The following TNFSF4 variants were observed in gnomAD, a reference collection of about 807,000 sequenced individuals.
The protein encoded by TNFSF4 is tumor necrosis factor ligand superfamily member 4.
TNFSF4 carries 4 observed loss-of-function variants against 7.3 expected under a neutral mutation model. The observed-to-expected ratio is 0.55, with a 90% CI of 0.27 to 1.25. TNFSF4 has a LOEUF of 1.25. Among genes scored for constraint, TNFSF4 ranks in the 50% most tolerant of loss-of-function variants. TNFSF4 has a pLI of 0.12. For missense variants in TNFSF4, 181 were observed against 208.8 expected, an observed-to-expected ratio of 0.87 and a Z score of 0.82; for synonymous variants, 76 against 83.7, an observed-to-expected ratio of 0.91 and a Z score of 0.50.
chr1:173,370,247 G>T, the TNFSF4 span, among the ~76,000 whole-genome samples: 1 of 152,162 alleles, frequency 6.6e-6, no homozygotes, highest in Non-Finnish European at 1.5e-5. Flanking sequence ...TCAAACCCTG[G>T]CCTTTAATGA....
the TNFSF4 span, among the ~76,000 whole-genome samples, chr1:173,440,205 T>C: frequency 8.4e-4 from 128 of 152,318 alleles, 2 homozygotes; most frequent in Non-Finnish European, 2.1e-4. Flanking sequence ...ACATCGACCT[T>C]TACACTGTCT....
At chr1:173,426,928 CAGAG>C in the TNFSF4 span, among the ~76,000 whole-genome samples, 2 of 150,734 alleles carry the variant, frequency 1.3e-5, no homozygotes, top group Non-Finnish European at 3.0e-5. Context: ...GCAAGACAGT[CAGAG>C]AGAGAGAGAG....
the TNFSF4 span, among the ~76,000 whole-genome samples, chr1:173,368,267 C>A: frequency 6.6e-6 from 1 of 152,106 alleles, no homozygotes; most frequent in Non-Finnish European, 1.5e-5. Context: ...ATAAACTTTG[C>A]TACCACTCAC....
At chr1:173,328,905 C>T in the TNFSF4 span, among the ~76,000 whole-genome samples, 1 of 151,988 alleles carries the variant, frequency 6.6e-6, no homozygotes, top group South Asian at 2.1e-4. Context: ...GCCCTTTGGC[C>T]CAGTAATTCC....
chr1:173,207,161 G>A lies in TNFSF4; in HGVS notation c.16C>T (p.Pro6Ser). Residue 6 changes from proline to serine, a missense_variant, in exon 1 of 3, where the codon CCC becomes TCC. Pro to Ser is a moderately conservative substitution (Grantham distance 74). Transcript: ENST00000281834. The part of the protein sequence containing the change: MERVQ[P>S]LEENVGNAAR... ...GCATTTCCCACATTCTCTTCCAGGG[G>A]TTGGACCCTTTCCATCTTCACAATC... The A allele has an allele frequency of 6.2e-7, 1 of 1,612,764 alleles. No individual in the cohort carries two copies. The highest frequency in any genetic ancestry group is 1.1e-5 in the South Asian group (1 of 90,990).
the TNFSF4 span, chr1:173,175,633 A>T: frequency 1.3e-5 from 2 of 152,302 alleles, no homozygotes; most frequent in East Asian, 3.8e-4. Flanking sequence ...CCACTTAGCC[A>T]CTTGAGAATT....
intron 1 of TNFSF4, among the ~76,000 whole-genome samples, chr1:173,192,038 G>A (rs190297358): frequency 5.9e-5 from 9 of 152,296 alleles, no homozygotes; most frequent in East Asian, 1.9e-4. Context: ...TTAGCAAGGC[G>A]TGGTGGTATG....
At chr1:173,274,358 G>T in the TNFSF4 span, among the ~76,000 whole-genome samples, 1 of 152,006 alleles carries the variant, frequency 6.6e-6, no homozygotes, top group Non-Finnish European at 1.5e-5. Flanking sequence ...CAACATTTTT[G>T]AACTTTTATT....
the TNFSF4 span, among the ~76,000 whole-genome samples, chr1:173,312,657 C>A: frequency 2.6e-5 from 4 of 152,104 alleles, no homozygotes. Flanking sequence ...CCCTCTCCCC[C>A]AGGCTCAGGC....
the TNFSF4 span, among the ~76,000 whole-genome samples, chr1:173,255,549 CTT>C: frequency 6.6e-6 from 1 of 152,182 alleles, no homozygotes; most frequent in Non-Finnish European, 1.5e-5. Flanking sequence ...GGTGTGGCCT[CTT>C]TTGGGTTCCC....
downstream of TNFSF4, among the ~76,000 whole-genome samples, chr1:173,182,890 A>G (rs1649080358): frequency 6.6e-6 from 1 of 152,178 alleles, no homozygotes; most frequent in Non-Finnish European, 1.5e-5. Context: ...CTCTTGGGAA[A>G]TGGAGTTCAT....
the TNFSF4 span, among the ~76,000 whole-genome samples, chr1:173,262,025 C>CA: frequency 6.6e-6 from 1 of 152,166 alleles, no homozygotes; most frequent in South Asian, 2.1e-4. Context: ...AAAGATACAA[C>CA]AAAAAAGGAA....
At chr1:173,262,598 C>CT in the TNFSF4 span, among the ~76,000 whole-genome samples, 22,529 of 104,972 alleles carry the variant, frequency 0.21, 3,276 homozygotes, top group Admixed American at 0.27. Flanking sequence ...CCAAAAGATT[C>CT]TTTTTTTTTT....
chr1:173,285,214 A>C, the TNFSF4 span, among the ~76,000 whole-genome samples: 1 of 152,178 alleles, frequency 6.6e-6, no homozygotes, highest in Non-Finnish European at 1.5e-5. Context: ...ATGTGGTAGA[A>C]ATAGCAAGAG....
At chr1:173,190,105 T>A (rs112310242) in intron 1 of TNFSF4, among the ~76,000 whole-genome samples, 15,876 of 151,392 alleles carry the variant, frequency 0.1, 982 homozygotes, top group Admixed American at 0.16. Flanking sequence ...AATCCCAGCT[T>A]CTTGGGAGGT....
At chr1:173,204,609 T>C (rs902921307) in intron 1 of TNFSF4, among the ~76,000 whole-genome samples, 1 of 152,140 alleles carries the variant, frequency 6.6e-6, no homozygotes, top group African/African-American at 2.4e-5. Context: ...AACCTTTCTC[T>C]CACAATAAAA....
the TNFSF4 span, among the ~76,000 whole-genome samples, chr1:173,394,115 G>A: frequency 1.3e-5 from 2 of 151,076 alleles, no homozygotes; most frequent in South Asian, 2.1e-4. Context: ...AGGCACAGTG[G>A]TGCATGCCTG....
At chr1:173,285,439 A>G in the TNFSF4 span, among the ~76,000 whole-genome samples, 1 of 152,186 alleles carries the variant, frequency 6.6e-6, no homozygotes, top group Non-Finnish European at 1.5e-5. Flanking sequence ...AGTTGGTAAA[A>G]CAGCAGCAAG....
chr1:173,297,367 A>C, the TNFSF4 span, among the ~76,000 whole-genome samples: 1 of 152,014 alleles, frequency 6.6e-6, no homozygotes, highest in Non-Finnish European at 1.5e-5. Flanking sequence ...CAGTCCAAGT[A>C]AAGTCAAGTT....
Sources: gnomAD v4.1 joint callset for allele counts (sites outside exome capture counted in the v4.1 genomes callset) on GRCh38, gnomAD v4.1.1 for gene constraint, MANE v1.5 for transcripts, NCBI Gene and HGNC (gene_info 2026-07-23, HGNC 2026-07-21) for gene names.